KIF13A: variants seen among roughly 807,000 people sequenced by gnomAD.
KIF13A encodes the protein kinesin-like protein KIF13A.
A neutral mutation model predicts 212.2 loss-of-function variants in KIF13A; 79 were observed. The observed-to-expected ratio is 0.37, with a 90% CI of 0.31 to 0.45. The LOEUF (loss-of-function observed/expected upper bound fraction) is 0.45. Among genes scored for constraint, KIF13A ranks in the 20% least tolerant of loss-of-function variants. KIF13A has a pLI of 1.00. For missense variants in KIF13A, 1,901 were observed against 2,209.0 expected (o/e 0.86, Z 2.79); for synonymous variants, 789 against 808.6 (o/e 0.98, Z 0.41).
chr6:17,846,281 TTTTA>T (rs765373180), intron 9 of KIF13A, among the ~76,000 whole-genome samples: 14 of 151,926 alleles, frequency 9.2e-5, no homozygotes, highest in Non-Finnish European at 1.8e-4. Flanking sequence ...TTTGCTGGGA[TTTTA>T]TTTATGTTAT....
Position 17,789,189 on chromosome 6 carries a change from C to T in KIF13A, c.3261+683G>A, listed in dbSNP as rs1187745918. 6.6e-6 allele frequency among the ~76,000 whole-genome samples: 1 copy of T among 152,192 alleles called. No individual in the cohort carries two copies. The highest frequency in any genetic ancestry group is 6.5e-5 in the Admixed American group (1 of 15,282). On this transcript the variant is annotated intron_variant, in intron 26 of 38. Coordinates refer to ENST00000259711, the MANE Select transcript of KIF13A (RefSeq NM_022113.6). The surrounding 1 kb of genome is among the most constrained non-coding windows in gnomAD (Gnocchi z 4.8). Reference sequence around the variant, plus strand: ...CCACACTCCATGATATCAGGCCAGTCAGTGCTGACTAGGTACAATCTCAAT... The same window carrying T: ...CCACACTCCATGATATCAGGCCAGTTAGTGCTGACTAGGTACAATCTCAAT...
chr6:17,965,840 CTTTA>C (rs940297361), intron 2 of KIF13A, among the ~76,000 whole-genome samples: 10 of 152,206 alleles, frequency 6.6e-5, no homozygotes, highest in South Asian at 2.1e-4. Flanking sequence ...GACGTACAAT[CTTTA>C]TTTATTTCTC....
intron 2 of KIF13A, among the ~76,000 whole-genome samples, chr6:17,954,831 AC>A (rs1446952190): frequency 4.0e-5 from 6 of 151,842 alleles, no homozygotes; most frequent in Admixed American, 3.3e-4. Context: ...ACAGCATCAC[AC>A]CTGGCTAATT....
chr6:17,975,406 G>GT (rs763484190), intron 2 of KIF13A, among the ~76,000 whole-genome samples: 2 of 152,126 alleles, frequency 1.3e-5, no homozygotes, highest in Admixed American at 6.5e-5. Context: ...CGCGTCTGGA[G>GT]TTTTTTCCTT....
In KIF13A at chr6:17,849,481, C is replaced by T. The variant is rs765851082; in HGVS notation, c.726G>A (p.Gly242=). The change falls in exon 9 of 39, where the codon GGG becomes GGA. Residue 242 remains glycine (G), a synonymous_variant. Transcript: ENST00000259711. This position sits in a 1 kb window ranked among gnomAD's most constrained non-coding sequence, Gnocchi z 5.7. ...TLYDLQSGNS[G]EKVSKVSLVD... Reference sequence around the variant, plus strand: ...CCAAGCTGACCTTACTGACTTTCTCCCCGGAATTCTAGTTATAGGAAACGA... The same window carrying T: ...CCAAGCTGACCTTACTGACTTTCTCTCCGGAATTCTAGTTATAGGAAACGA... 2 of 1,612,824 alleles carry T rather than the reference C, an allele frequency of 1.2e-6. No homozygotes were observed. The highest frequency in any genetic ancestry group is 1.7e-6 in the Non-Finnish European group (2 of 1,179,236).
chr6:17,780,688 T>G (rs769764450), intron 31 of KIF13A, 42 bp downstream of exon 31: 18 of 1,581,294 alleles, frequency 1.1e-5, no homozygotes, highest in Non-Finnish European at 1.4e-5. Context: ...AAAAATCTTT[T>G]GAGCTCAGAG....
At chr6:17,884,385 T>A (rs887643059) in intron 3 of KIF13A, among the ~76,000 whole-genome samples, 9 of 152,246 alleles carry the variant, frequency 5.9e-5, no homozygotes, top group Admixed American at 5.2e-4. Context: ...TGTAGAGCGT[T>A]TGTTATGTAC....
At chr6:17,893,510 AACCTTATTGT>A (rs1305238259) in intron 3 of KIF13A, among the ~76,000 whole-genome samples, 1 of 152,190 alleles carries the variant, frequency 6.6e-6, no homozygotes, top group Non-Finnish European at 1.5e-5. Context: ...CCAAGTATAC[AACCTTATTGT>A]ACCTTATTGT....
intron 2 of KIF13A, among the ~76,000 whole-genome samples, chr6:17,976,763 C>T (rs1339090331): frequency 6.6e-6 from 1 of 151,110 alleles, no homozygotes; most frequent in African/African-American, 2.4e-5. Flanking sequence ...AATCACGCCA[C>T]CGCACTCTAT....
At chr6:17,808,647 T>C (rs756688649) in intron 18 of KIF13A, 121 bp downstream of exon 18, 1 of 872,770 alleles carries the variant, frequency 1.1e-6, no homozygotes, top group South Asian at 2.2e-5. Flanking sequence ...TTGAAAAAAA[T>C]AAACATCTCT....
rs572867006 is a variant in KIF13A, at chr6:17,851,606, G to A, written c.582+349C>T. Among the ~76,000 whole-genome samples, 158 of 152,348 alleles carry A rather than the reference G, an allele frequency of 1.0e-3. 4 individuals carry two copies. Among genetic ancestry groups the A allele is most frequent in the Admixed American group, 9.5e-3 (146 of 15,300 alleles). On this transcript the variant is annotated intron_variant, in intron 7 of 38. Coordinates refer to ENST00000259711, the MANE Select transcript of KIF13A (RefSeq NM_022113.6). ...CCAAGGCAGGAGACCCTGCCAAAAA[G>A]AAAGGGCTGTACTAACTGCCAAATA...
Position 17,771,344 on chromosome 6 carries a change from C to G in KIF13A, c.4477-126G>C, listed in dbSNP as rs2150292149. ...TATTACATGTGAGTAATGCAGCAGCCAATTCTGCAGGCCAGAGTTAAACTA... is the reference window on the plus strand; with the variant it reads ...TATTACATGTGAGTAATGCAGCAGCGAATTCTGCAGGCCAGAGTTAAACTA... On this transcript the variant is annotated intron_variant, in intron 37 of 38. Transcript: ENST00000259711. The surrounding 1 kb of genome is among the most constrained non-coding windows in gnomAD (Gnocchi z 5.4). 1 of 635,770 alleles carries G rather than the reference C, an allele frequency of 1.6e-6. No individual in the cohort carries two copies. Among genetic ancestry groups the G allele is most frequent in the Non-Finnish European group, 2.8e-6 (1 of 354,384 alleles). The allele number at this position is 635,770 out of a possible 1,614,324, so 39.4% of individuals were successfully genotyped here.
Position 17,799,771 on chromosome 6 carries a change from A to G in KIF13A, c.2616+181T>C, listed in dbSNP as rs1296797463. ...AATACATAAACACTTTTGAAATTTG[A>G]TGCAACTGTCATAAGAAAGTGTGCT... is the stretch of plus-strand genomic sequence containing the variant. On this transcript the variant is annotated intron_variant, in intron 21 of 38. Coordinates refer to ENST00000259711, the MANE Select transcript of KIF13A (RefSeq NM_022113.6). The surrounding 1 kb of genome is among the most constrained non-coding windows in gnomAD (Gnocchi z 4.4). Among the ~76,000 whole-genome samples the G allele has an allele frequency of 6.6e-6, 1 of 152,226 alleles. No individual in the cohort carries two copies. Among genetic ancestry groups the G allele is most frequent in the Non-Finnish European group, 1.5e-5 (1 of 68,042 alleles).
At chr6:17,815,478 T>A (rs1457547115) in intron 17 of KIF13A, 2 of 191,330 alleles carry the variant, frequency 1.0e-5, no homozygotes, top group African/African-American at 2.3e-5. Context: ...GCCCGCTAGG[T>A]AATGGGCGCC....
At chr6:17,820,014 G>A (rs146212494) in intron 16 of KIF13A, among the ~76,000 whole-genome samples, 10 of 151,966 alleles carry the variant, frequency 6.6e-5, no homozygotes, top group Non-Finnish European at 1.0e-4. Flanking sequence ...TTTTTGCTAC[G>A]AGATACTGAA....
rs771181707 is a variant in KIF13A, at chr6:17,881,386, T to G, written c.160-7949A>C. 12 of 396,448 alleles carry G rather than the reference T, an allele frequency of 3.0e-5. No individual in the cohort carries two copies. The Admixed American group carries it at 4.0e-4, about 13-fold the overall frequency. The allele number at this position is 396,448 out of a possible 1,614,324, so 24.6% of individuals were successfully genotyped here. On this transcript the variant is annotated intron_variant, in intron 3 of 38. Coordinates refer to ENST00000259711, the MANE Select transcript of KIF13A (RefSeq NM_022113.6). ...CGAATAGGATGTAGTACAGTTAAAC[T>G]CCACTTTTACTTAAAAGTCATCTCT...
chr6:17,873,014 C>T (rs1366666091), intron 4 of KIF13A, among the ~76,000 whole-genome samples: 1 of 152,188 alleles, frequency 6.6e-6, no homozygotes, highest in African/African-American at 2.4e-5. Context: ...AAAACTTCCT[C>T]CACCAAACCA....
chr6:17,805,661 T>G, intron 18 of KIF13A, 46 bp from the exon 19 acceptor site: 1 of 1,536,188 alleles, frequency 6.5e-7, no homozygotes, highest in African/African-American at 1.4e-5. Flanking sequence ...TAACTCCTTT[T>G]TCGATTGCTA....
At chr6:17,977,145 C>T (rs1337871364) in intron 2 of KIF13A, among the ~76,000 whole-genome samples, 2 of 146,354 alleles carry the variant, frequency 1.4e-5, no homozygotes, top group African/African-American at 5.0e-5. Flanking sequence ...AAGAAATGCA[C>T]ATTCCCAGGC....
Sources: gnomAD v4.1 joint callset for allele counts (sites outside exome capture counted in the v4.1 genomes callset) on GRCh38, gnomAD v4.1.1 for gene constraint, Gnocchi (gnomAD v3.1) non-coding constraint, MANE v1.5 for transcripts, NCBI Gene and HGNC (gene_info 2026-07-23, HGNC 2026-07-21) for gene names.